Variants in KDM6A observed in about 807,000 individuals in gnomAD.
The protein encoded by KDM6A is lysine-specific demethylase 6A.
KDM6A carries 11 observed loss-of-function variants against 117.6 expected under a neutral mutation model. The observed-to-expected ratio is 0.09, with a 90% CI of 0.06 to 0.15. The LOEUF (loss-of-function observed/expected upper bound fraction) is 0.15. Ranked by LOEUF, KDM6A falls within the 10% of genes least tolerant of loss-of-function variation. The pLI, the probability that KDM6A is intolerant of heterozygous loss-of-function variation, is 1.00. For synonymous variants in KDM6A, 384 were observed against 396.1 expected, an observed-to-expected ratio of 0.97 and a Z score of 0.36; for missense variants, 799 against 1,077.3, an observed-to-expected ratio of 0.74 and a Z score of 3.62.
In KDM6A at chrX:44,873,960, C is replaced by A. The variant is rs143969849; in HGVS notation, c.198C>A (p.Gly66=). 1.7e-6 allele frequency: 2 copies of A among 1,211,004 alleles called. No individual in the cohort carries two copies. The highest frequency in any genetic ancestry group is 2.2e-6 in the Non-Finnish European group (2 of 894,722). ...GGTTCGTGAGATTTCATGAAGATGG[C>A]GCCAGGACGAAGGCCCTACTGGGCA... ...LFGFVRFHED[G]ARTKALLGKA... Residue 66 remains glycine, a synonymous_variant, in exon 2 of 30, where the codon GGC becomes GGA. Coordinates refer to ENST00000611820, the MANE Select transcript of KDM6A (RefSeq NM_001291415.2).
At chrX:45,063,181 T>C (rs1386096977) in intron 16 of KDM6A, among the ~76,000 whole-genome samples, 1 of 111,247 alleles carries the variant, frequency 9.0e-6, no homozygotes, top group Non-Finnish European at 1.9e-5. Flanking sequence ...AATGGGATTT[T>C]TTTTTTTTGA....
chrX:45,055,066 C>G (rs1456628371), intron 10 of KDM6A, among the ~76,000 whole-genome samples: 1 of 111,230 alleles, frequency 9.0e-6, no homozygotes, highest in Non-Finnish European at 1.9e-5. Flanking sequence ...GTTAGATGAT[C>G]TGTTACGTAT....
chrX:45,037,554 G>A, intron 7 of KDM6A, 101 bp from the exon 8 acceptor site: 1 of 651,342 alleles, frequency 1.5e-6, no homozygotes, highest in Non-Finnish European at 2.6e-6. Flanking sequence ...TCTATATAGT[G>A]TAGACTGTGA....
intron 3 of KDM6A, among the ~76,000 whole-genome samples, chrX:44,963,483 G>GTGTGTGTCTGTCTGTCTGTC (rs1481840859): frequency 4.2e-4 from 17 of 40,885 alleles, no homozygotes; most frequent in African/African-American, 1.1e-3. Flanking sequence ...GTGTGTGTGT[G>GTGTGTGTCTGTCTGTCTGTC]TGTCTGTCTG....
chrX:45,037,770 T>C, intron 8 of KDM6A, 81 bp downstream of exon 8: 2 of 796,198 alleles, frequency 2.5e-6, no homozygotes, highest in Admixed American at 2.3e-5. Flanking sequence ...AAATCAGAAG[T>C]GTACAGATAA....
At chrX:45,103,374 A>G (rs1171751274) in intron 27 of KDM6A, among the ~76,000 whole-genome samples, 4 of 110,819 alleles carry the variant, frequency 3.6e-5, no homozygotes, top group Non-Finnish European at 7.5e-5. Context: ...TTCATAATCA[A>G]TTAAGTAAAT....
chrX:44,930,941 A>G (rs1350350497), intron 2 of KDM6A, among the ~76,000 whole-genome samples: 3 of 111,682 alleles, frequency 2.7e-5, no homozygotes, highest in Non-Finnish European at 5.6e-5. Context: ...TTATCTGAGG[A>G]CCATCCCTCC....
At chrX:44,920,634 T>C (rs1157192881) in intron 2 of KDM6A, among the ~76,000 whole-genome samples, 2 of 108,587 alleles carry the variant, frequency 1.8e-5, no homozygotes, top group Non-Finnish European at 3.8e-5. Flanking sequence ...GAGACAGGGT[T>C]TCACCATGTT....
intron 28 of KDM6A, among the ~76,000 whole-genome samples, chrX:45,109,578 A>G (rs2046691643): frequency 9.0e-6 from 1 of 110,857 alleles, no homozygotes; most frequent in African/African-American, 3.3e-5. Context: ...TTTTTTTTAA[A>G]TGTCATATGG....
At chrX:44,919,292 CTCT>C (rs757212521) in intron 2 of KDM6A, among the ~76,000 whole-genome samples, 1 of 111,435 alleles carries the variant, frequency 9.0e-6, no homozygotes, top group African/African-American at 3.3e-5. Context: ...TGTCTCTAGG[CTCT>C]TCTTGGCTGA....
Position 44,873,717 on chromosome X carries a change from G to C in KDM6A, c.161+5G>C. On this transcript the variant is annotated splice_donor_5th_base_variant and intron_variant, in intron 1 of 29. Coordinates refer to ENST00000611820, the MANE Select transcript of KDM6A (RefSeq NM_001291415.2). ...GGCGCTCGGCGGACTGGACAGGTAC[G>C]GGCCGCCGTCACTCGCCCGGTCGGC... 2 of 1,165,585 alleles carry C rather than the reference G, an allele frequency of 1.7e-6. No homozygotes were observed. Among genetic ancestry groups the C allele is most frequent in the Non-Finnish European group, 1.1e-6 (1 of 872,194 alleles).
Position 44,974,709 on chromosome X carries a change from C to T in KDM6A, c.378C>T (p.Tyr126=), listed in dbSNP as rs2147263740. 2 of 1,181,313 alleles carry T rather than the reference C, an allele frequency of 1.7e-6. No homozygotes were observed. The highest frequency in any genetic ancestry group is 2.3e-6 in the Non-Finnish European group (2 of 867,815). Residue 126 remains tyrosine, a synonymous_variant, in exon 4 of 30, where the codon TAC becomes TAT. Transcript: ENST00000611820. ...YQRYYSLQSD[Y]WKNAAFLYGL... The stretch of plus-strand genomic sequence containing the variant: ...GGTACTACAGTTTACAGTCTGACTA[C>T]TGGAAGGTTAGTGTACATTTGCATG...
rs1456112094 is a variant in KDM6A, at chrX:45,063,712, C to T, written c.1974C>T (p.Asn658=). ...TAACAGGAAGTGGAAGTAATGGAAA[C>T]GTGCCTTACCTGCAGCGAAACGCAC... ...NHITGSGSNG[N]VPYLQRNALT... Residue 658 remains asparagine (N), a synonymous_variant, in exon 17 of 30, where the codon AAC becomes AAT. Coordinates refer to ENST00000611820, the MANE Select transcript of KDM6A (RefSeq NM_001291415.2). 9 of 1,207,529 alleles carry T rather than the reference C, an allele frequency of 7.5e-6. No individual in the cohort carries two copies. Among genetic ancestry groups the T allele is most frequent in the South Asian group, 1.8e-5 (1 of 56,448 alleles).
At chrX:45,043,701 C>T (rs2092260371) in intron 8 of KDM6A, among the ~76,000 whole-genome samples, 1 of 110,741 alleles carries the variant, frequency 9.0e-6, no homozygotes, top group South Asian at 3.9e-4. Context: ...CGCTTGAACC[C>T]GGGGAGGCGG....
At chrX:44,881,866 TTAG>T (rs1259772019) in intron 2 of KDM6A, among the ~76,000 whole-genome samples, 2 of 110,405 alleles carry the variant, frequency 1.8e-5, no homozygotes, top group Non-Finnish European at 3.8e-5. Context: ...TTTTGTATTA[TTAG>T]TAGAGATGGG....
chrX:45,010,932 C>T lies in KDM6A; in HGVS notation c.385-29C>T, dbSNP rs745381394. The T allele has an allele frequency of 3.6e-5, 40 of 1,103,734 alleles. No individual in the cohort carries two copies. The South Asian group carries it at 6.9e-4, about 19-fold the overall frequency. 91.0% of individuals were successfully genotyped at this position (1,103,734 alleles called of 1,213,427 possible). A position where few individuals can be genotyped will look rare whatever the true frequency, so the allele number is the denominator to read the frequency against. On this transcript the variant is annotated intron_variant, in intron 4 of 29. Coordinates refer to ENST00000611820, the MANE Select transcript of KDM6A (RefSeq NM_001291415.2). Reference sequence around the variant, plus strand: ...ATATATGTTAGATACAAGTATTTTTCCTAAAAATCTTTTTCCCTTCCTTTA... The same window carrying T: ...ATATATGTTAGATACAAGTATTTTTTCTAAAAATCTTTTTCCCTTCCTTTA...
chrX:44,914,621 A>G (rs977557601), intron 2 of KDM6A, among the ~76,000 whole-genome samples: 3 of 111,172 alleles, frequency 2.7e-5, no homozygotes, highest in Non-Finnish European at 5.7e-5. Flanking sequence ...CCCTGACCCT[A>G]TCCCTAGACT....
intron 2 of KDM6A, among the ~76,000 whole-genome samples, chrX:44,880,172 CAA>C (rs59578181): frequency 1.7e-4 from 10 of 57,694 alleles, no homozygotes; most frequent in Non-Finnish European, 1.4e-4. Context: ...GACTTCATCT[CAA>C]AAAAAAAAAA....
intron 7 of KDM6A, among the ~76,000 whole-genome samples, chrX:45,035,623 A>G (rs983459814): frequency 1.8e-5 from 2 of 111,441 alleles, no homozygotes; most frequent in African/African-American, 6.5e-5. Context: ...AGTATCCAGT[A>G]AAAAGGTTTA....
Sources: allele counts gnomAD v4.1 joint callset (sites outside exome capture counted in the v4.1 genomes callset), GRCh38; gene constraint gnomAD v4.1.1; transcripts MANE v1.5; gene names NCBI Gene and HGNC (gene_info 2026-07-23, HGNC 2026-07-21).